The following CTIF variants were observed in gnomAD, a reference collection of about 807,000 sequenced individuals.
CTIF encodes the protein CBP80/20-dependent translation initiation factor.
A neutral mutation model predicts 66.0 loss-of-function variants in CTIF; 21 were observed. That is an observed-to-expected ratio of 0.32 (90% CI 0.23 to 0.46). CTIF has a LOEUF of 0.46. Among genes scored for constraint, CTIF ranks in the 20% least tolerant of loss-of-function variants. The pLI, the probability that CTIF is intolerant of heterozygous loss-of-function variation, is 1.00. For missense variants in CTIF, 739 were observed against 812.7 expected, an observed-to-expected ratio of 0.91 and a Z score of 1.10; for synonymous variants, 345 against 326.4, an observed-to-expected ratio of 1.06 and a Z score of -0.62.
chr18:48,672,641 T>A (rs1198555947), intron 6 of CTIF, among the ~76,000 whole-genome samples: 2 of 152,144 alleles, frequency 1.3e-5, no homozygotes, highest in African/African-American at 4.8e-5. Flanking sequence ...CCTCCCTACC[T>A]GGAGGCAAGA....
chr18:48,733,969 A>G (rs2092477531), intron 7 of CTIF, among the ~76,000 whole-genome samples: 1 of 152,252 alleles, frequency 6.6e-6, no homozygotes, highest in South Asian at 2.1e-4. Context: ...GGAGGCGGGT[A>G]CAATTTGGGG....
At chr18:48,722,217 T>C (rs564669827) in intron 7 of CTIF, among the ~76,000 whole-genome samples, 1 of 145,742 alleles carries the variant, frequency 6.9e-6, no homozygotes, top group East Asian at 2.0e-4. Flanking sequence ...TTTTTTTTTT[T>C]TTTTTTTTTT....
At chr18:48,757,667 C>A (rs57708417) in intron 7 of CTIF, among the ~76,000 whole-genome samples, 1 of 152,058 alleles carries the variant, frequency 6.6e-6, no homozygotes, top group Admixed American at 6.5e-5. Flanking sequence ...TTCTAGTAAG[C>A]GAATAAAGTA....
At position 48,566,735 on chromosome 18, in the gene CTIF, AT is replaced by A. The variant is rs1055337354; in HGVS notation, c.-29+27426del. The A allele has an allele frequency of 2.0e-5, 3 of 152,074 alleles. No homozygotes were observed. The East Asian group carries it at 5.8e-4, about 29-fold the overall frequency. The allele number at this position is 152,074 out of a possible 1,614,324, so 9.4% of individuals were successfully genotyped here. ...CATTGCCTTTGGGGTGGGGGTTCCCATTTGTTGTCTCATGGGAAGGAAGGGA... is the reference window on the plus strand; with the variant it reads ...CATTGCCTTTGGGGTGGGGGTTCCCATTGTTGTCTCATGGGAAGGAAGGGA... On this transcript the variant is annotated intron_variant, in intron 1 of 11. Coordinates refer to ENST00000256413, the MANE Select transcript of CTIF (RefSeq NM_014772.3).
chr18:48,643,037 G>C (rs1437421849), intron 3 of CTIF, among the ~76,000 whole-genome samples: 4 of 152,172 alleles, frequency 2.6e-5, no homozygotes, highest in Non-Finnish European at 1.5e-5. Context: ...TTTGGTGACT[G>C]GCTGGAATGA....
chr18:48,559,224 T>A (rs2089094089), intron 1 of CTIF, among the ~76,000 whole-genome samples: 1 of 151,498 alleles, frequency 6.6e-6, no homozygotes, highest in African/African-American at 2.4e-5. Flanking sequence ...TGTTGTTGTT[T>A]TTTTTTTTAC....
intron 1 of CTIF, among the ~76,000 whole-genome samples, chr18:48,612,384 C>G (rs1163390185): frequency 1.3e-5 from 2 of 152,186 alleles, no homozygotes; most frequent in Admixed American, 1.3e-4. Flanking sequence ...TGACAGCCTG[C>G]AAGGGAGAAT....
intron 3 of CTIF, among the ~76,000 whole-genome samples, chr18:48,653,658 G>A (rs945587607): frequency 9.5e-4 from 144 of 152,282 alleles, no homozygotes; most frequent in South Asian, 1.7e-3. Flanking sequence ...AAAAGAGCCC[G>A]CATTGCCAAG....
At chr18:48,670,877 A>G (rs1407295627) in intron 6 of CTIF, 133 bp downstream of exon 6, 5 of 700,994 alleles carry the variant, frequency 7.1e-6, no homozygotes, top group South Asian at 3.4e-5. Context: ...CCTGTATGGT[A>G]GTAATAGGCA....
chr18:48,649,431 G>A lies in CTIF; in HGVS notation c.252+12746G>A, dbSNP rs569175303. Reference sequence around the variant, plus strand: ...TCTGCCATTGCTGACGCTTGAGTAGGTAAACAGAGCAGCTGGGGAAGCTCG... The same window carrying A: ...TCTGCCATTGCTGACGCTTGAGTAGATAAACAGAGCAGCTGGGGAAGCTCG... On this transcript the variant is annotated intron_variant, in intron 3 of 11. Transcript: ENST00000256413. 1.6e-4 allele frequency among the ~76,000 whole-genome samples: 25 copies of A among 152,354 alleles called. No individual in the cohort carries two copies. The South Asian group carries it at 4.6e-3, about 28-fold the overall frequency.
chr18:48,631,534 G>GT (rs35530166), intron 2 of CTIF, among the ~76,000 whole-genome samples: 89,499 of 152,146 alleles, frequency 0.59, 29,969 homozygotes, highest in East Asian at 0.94. Flanking sequence ...TATTTTCATT[G>GT]TTTTTTATTG....
chr18:48,572,074 T>TTCC (rs148681063), intron 1 of CTIF, among the ~76,000 whole-genome samples: 12,220 of 151,306 alleles, frequency 0.081, 664 homozygotes, highest in African/African-American at 0.14. Flanking sequence ...CCCCTCACCG[T>TTCC]TCCTCCTCCT....
At chr18:48,608,351 C>T (rs2090242680) in intron 1 of CTIF, among the ~76,000 whole-genome samples, 1 of 152,156 alleles carries the variant, frequency 6.6e-6, no homozygotes, top group Non-Finnish European at 1.5e-5. Flanking sequence ...TAAACGTTAG[C>T]TCAAATATTT....
At chr18:48,745,993 C>T (rs529601056) in intron 7 of CTIF, among the ~76,000 whole-genome samples, 36 of 152,322 alleles carry the variant, frequency 2.4e-4, no homozygotes, top group African/African-American at 6.5e-4. Context: ...CAGGGACAAG[C>T]GAACCTGTCA....
intron 1 of CTIF, among the ~76,000 whole-genome samples, chr18:48,607,801 C>T (rs1410823564): frequency 6.6e-6 from 1 of 152,190 alleles, no homozygotes; most frequent in African/African-American, 2.4e-5. Flanking sequence ...TATGCACAGC[C>T]GAGTTTCTGC....
intron 7 of CTIF, among the ~76,000 whole-genome samples, chr18:48,746,291 C>T (rs1167277034): frequency 6.6e-6 from 1 of 152,036 alleles, no homozygotes. Context: ...CACCTGCCTG[C>T]TCTCAGAGGT....
chr18:48,855,099 C>A (rs907559719), intron 10 of CTIF, among the ~76,000 whole-genome samples: 2 of 152,220 alleles, frequency 1.3e-5, no homozygotes, highest in African/African-American at 4.8e-5. Context: ...CGCAGGCGCT[C>A]GGCAGGTACT....
intron 10 of CTIF, among the ~76,000 whole-genome samples, chr18:48,833,938 ACT>A (rs1384678294): frequency 6.6e-6 from 1 of 152,076 alleles, no homozygotes; most frequent in Non-Finnish European, 1.5e-5. Flanking sequence ...GCAGAGCAGG[ACT>A]CTCTCAGATT....
chr18:48,550,941 G>A (rs890207376), intron 1 of CTIF, among the ~76,000 whole-genome samples: 2 of 152,110 alleles, frequency 1.3e-5, no homozygotes, highest in Non-Finnish European at 2.9e-5. Context: ...AGAACTTACG[G>A]ATCTCTACAT....
Sources: allele counts gnomAD v4.1 joint callset (sites outside exome capture counted in the v4.1 genomes callset), GRCh38; gene constraint gnomAD v4.1.1; transcripts MANE v1.5; gene names NCBI Gene and HGNC (gene_info 2026-07-23, HGNC 2026-07-21).